The following WSCD2 variants were observed in gnomAD, a reference collection of about 807,000 sequenced individuals.
The protein encoded by WSCD2 is sialate:O-sulfotransferase 2.
Under a neutral mutation model 55.7 loss-of-function variants are expected in WSCD2, and 28 were observed. The observed-to-expected ratio is 0.50, with a 90% confidence interval of 0.37 to 0.69. The LOEUF is 0.69. Ranked by LOEUF, WSCD2 falls within the 30% of genes least tolerant of loss-of-function variation. The probability of loss-of-function intolerance (pLI) is 0.00; values close to 1 mark genes in which losing one functional copy is unlikely to be tolerated. For missense variants in WSCD2, 616 were observed against 762.1 expected (o/e 0.81, Z 2.26); for synonymous variants, 301 against 301.9 (o/e 1.00, Z 0.03).
At chr12:108,156,700 A>G (rs1239251694) in intron 1 of WSCD2, among the ~76,000 whole-genome samples, 1 of 152,220 alleles carries the variant, frequency 6.6e-6, no homozygotes, top group Non-Finnish European at 1.5e-5. Context: ...ATCTTTTTAA[A>G]TGAAGTCAAA....
At chr12:108,165,842 A>G (rs1879547218) in intron 1 of WSCD2, among the ~76,000 whole-genome samples, 1 of 152,110 alleles carries the variant, frequency 6.6e-6, no homozygotes, top group South Asian at 2.1e-4. Flanking sequence ...CACTACAAAC[A>G]CTCCAAACAA....
At chr12:108,181,292 G>A (rs543036659) in intron 1 of WSCD2, among the ~76,000 whole-genome samples, 3 of 152,290 alleles carry the variant, frequency 2.0e-5, no homozygotes, top group East Asian at 3.9e-4. Context: ...GGGCGGCTGC[G>A]TGTTTGTGTG....
chr12:108,133,022 A>G (rs1875774455), intron 1 of WSCD2, among the ~76,000 whole-genome samples: 1 of 152,050 alleles, frequency 6.6e-6, no homozygotes, highest in Admixed American at 6.6e-5. Flanking sequence ...TGTATCCGTG[A>G]ATGTTAGCAT....
At chr12:108,240,968 G>A (rs911153010) in intron 8 of WSCD2, among the ~76,000 whole-genome samples, 14 of 152,164 alleles carry the variant, frequency 9.2e-5, no homozygotes, top group Admixed American at 3.9e-4. Flanking sequence ...GACTTTCATG[G>A]CACTGGAGAT....
intron 1 of WSCD2, among the ~76,000 whole-genome samples, chr12:108,155,985 C>CA (rs1491371914): frequency 9.2e-5 from 14 of 152,192 alleles, no homozygotes; most frequent in Admixed American, 9.2e-4. Context: ...CTGTGCCCCC[C>CA]ACACACATAC....
intron 2 of WSCD2, among the ~76,000 whole-genome samples, chr12:108,200,803 G>T (rs550575051): frequency 1.8e-4 from 27 of 152,282 alleles, no homozygotes; most frequent in African/African-American, 4.6e-4. Flanking sequence ...ATATAGGTGA[G>T]CTTAGTATGT....
At chr12:108,226,850 G>GT in intron 5 of WSCD2, 140 bp from the exon 6 acceptor site, 1 of 975,642 alleles carries the variant, frequency 1.0e-6, no homozygotes, top group Non-Finnish European at 1.5e-6. Context: ...GTTTGTGGAT[G>GT]GAATTTGGGG....
chr12:108,148,008 C>A (rs1358986841), intron 1 of WSCD2, among the ~76,000 whole-genome samples: 3 of 152,224 alleles, frequency 2.0e-5, no homozygotes, highest in African/African-American at 4.8e-5. Flanking sequence ...TTCTCCATAA[C>A]TCTTATCACC....
intron 6 of WSCD2, among the ~76,000 whole-genome samples, chr12:108,230,669 T>C (rs1480173037): frequency 6.6e-6 from 1 of 152,186 alleles, no homozygotes; most frequent in African/African-American, 2.4e-5. Flanking sequence ...CAGTAAGACT[T>C]CAATAAATAG....
At chr12:108,201,519 T>G (rs935633340) in intron 2 of WSCD2, among the ~76,000 whole-genome samples, 41 of 128,120 alleles carry the variant, frequency 3.2e-4, no homozygotes, top group East Asian at 7.1e-4. Context: ...GGGGTGTGGG[T>G]GGGGGGCGGG....
intron 2 of WSCD2, among the ~76,000 whole-genome samples, chr12:108,198,183 A>G (rs1331094002): frequency 2.0e-5 from 3 of 151,980 alleles, no homozygotes; most frequent in Non-Finnish European, 4.4e-5. Flanking sequence ...TGTCAGCTCC[A>G]GGAGGGCAGG....
intron 8 of WSCD2, among the ~76,000 whole-genome samples, chr12:108,247,261 A>G (rs1180090671): frequency 2.0e-5 from 3 of 151,398 alleles, no homozygotes; most frequent in Non-Finnish European, 4.4e-5. Flanking sequence ...TGTGAAGATT[A>G]AGTAGAATTA....
At chr12:108,234,217 G>A (rs144212246) in intron 7 of WSCD2, among the ~76,000 whole-genome samples, 4 of 152,310 alleles carry the variant, frequency 2.6e-5, no homozygotes, top group East Asian at 3.9e-4. Context: ...CGCATTCAAC[G>A]TCGTCAATAA....
At chr12:108,243,138 G>A (rs902212524) in intron 8 of WSCD2, among the ~76,000 whole-genome samples, 1 of 152,240 alleles carries the variant, frequency 6.6e-6, no homozygotes, top group African/African-American at 2.4e-5. Context: ...TGAATCAGTG[G>A]CATCAGCATC....
chr12:108,193,961 AT>A (rs1256735162), intron 1 of WSCD2, among the ~76,000 whole-genome samples: 1 of 152,236 alleles, frequency 6.6e-6, no homozygotes, highest in African/African-American at 2.4e-5. Context: ...TTAGGAGAGT[AT>A]GTTACAATTT....
intron 2 of WSCD2, among the ~76,000 whole-genome samples, chr12:108,200,923 GGGTGGTCTTCT>G (rs566128560): frequency 7.4e-4 from 112 of 152,300 alleles, no homozygotes; most frequent in Middle Eastern, 3.4e-3. Flanking sequence ...AGGCAGCACT[GGGTGGTCTTCT>G]GGAGGGACCA....
chr12:108,148,291 C>A (rs1877613780), intron 1 of WSCD2, among the ~76,000 whole-genome samples: 2 of 152,200 alleles, frequency 1.3e-5, no homozygotes, highest in South Asian at 4.1e-4. Context: ...CAAAACCACC[C>A]CCATTTGAAA....
intron 1 of WSCD2, among the ~76,000 whole-genome samples, chr12:108,130,870 G>GCACAGC (rs1875437668): frequency 6.6e-6 from 1 of 152,112 alleles, no homozygotes; most frequent in African/African-American, 2.4e-5. Context: ...TGAGCCCCAT[G>GCACAGC]CACAGCTCAT....
At chr12:108,239,443 C>T (rs536819572) in intron 7 of WSCD2, among the ~76,000 whole-genome samples, 2 of 152,304 alleles carry the variant, frequency 1.3e-5, no homozygotes, top group Middle Eastern at 6.8e-3. Context: ...TTCTATGTGT[C>T]TGTCATCATC....
Sources: allele counts gnomAD v4.1 joint callset (sites outside exome capture counted in the v4.1 genomes callset), GRCh38; gene constraint gnomAD v4.1.1; transcripts MANE v1.5; gene names NCBI Gene and HGNC (gene_info 2026-07-23, HGNC 2026-07-21).